THSD4: variants seen among roughly 807,000 people sequenced by gnomAD.
The protein encoded by THSD4 is thrombospondin type-1 domain-containing protein 4.
THSD4 carries 69 observed loss-of-function variants against 119.0 expected under a neutral mutation model. The observed-to-expected ratio is 0.58, with a 90% CI of 0.48 to 0.71. The LOEUF (loss-of-function observed/expected upper bound fraction) is 0.71, where lower values mean the gene tolerates loss of function less well. Among genes scored for constraint, THSD4 ranks in the 30% least tolerant of loss-of-function variants. The pLI is 0.00. For missense variants in THSD4, 1,393 were observed against 1,391.1 expected, an observed-to-expected ratio of 1.00 and a Z score of -0.02; for synonymous variants, 524 against 540.4, an observed-to-expected ratio of 0.97 and a Z score of 0.42.
chr15:71,599,792 C>G (rs533105288), intron 7 of THSD4, among the ~76,000 whole-genome samples: 1 of 152,360 alleles, frequency 6.6e-6, no homozygotes, highest in Non-Finnish European at 1.5e-5. Context: ...AATGTCATCT[C>G]TCTGCATTGT....
At chr15:71,295,876 C>G (rs1157508075) in intron 6 of THSD4, among the ~76,000 whole-genome samples, 1 of 152,290 alleles carries the variant, frequency 6.6e-6, no homozygotes, top group East Asian at 1.9e-4. Context: ...GTAGATTTAC[C>G]TTTTCTGGAT....
intron 7 of THSD4, among the ~76,000 whole-genome samples, chr15:71,440,104 C>T (rs2047069942): frequency 6.6e-6 from 1 of 152,102 alleles, no homozygotes; most frequent in Admixed American, 6.5e-5. Flanking sequence ...CATCCCACCT[C>T]CACATTCACC....
intron 4 of THSD4, among the ~76,000 whole-genome samples, chr15:71,227,026 T>G (rs183163036): frequency 6.6e-6 from 1 of 152,338 alleles, no homozygotes; most frequent in Admixed American, 6.5e-5. Context: ...TGTTCCAATA[T>G]GCTTTGATTT....
Position 71,326,495 on chromosome 15 carries a change from G to C in THSD4, c.1015+69780G>C, listed in dbSNP as rs1012499556. 2.7e-5 allele frequency among the ~76,000 whole-genome samples: 4 copies of C among 149,890 alleles called. No homozygotes were observed. The East Asian group carries it at 6.0e-4, about 22-fold the overall frequency. On this transcript the variant is annotated intron_variant, in intron 6 of 17. Transcript: ENST00000261862. The stretch of plus-strand genomic sequence containing the variant: ...AGTTTGAGAACAGCCTGGCCAACAC[G>C]GTGAAACCCCGTCTCTACTAAAAAT...
intron 6 of THSD4, among the ~76,000 whole-genome samples, chr15:71,329,725 G>A (rs1273497113): frequency 1.3e-5 from 2 of 152,156 alleles, no homozygotes; most frequent in Admixed American, 6.5e-5. Context: ...TCACAGACAG[G>A]GCTGTGGTAA....
chr15:71,152,771 C>T (rs777445050), intron 2 of THSD4, among the ~76,000 whole-genome samples: 6 of 152,162 alleles, frequency 3.9e-5, no homozygotes, highest in Admixed American at 6.5e-5. Flanking sequence ...TGGAGAATTT[C>T]CCCCTCACTG....
At chr15:71,211,982 C>G (rs1333810471) in intron 3 of THSD4, among the ~76,000 whole-genome samples, 1 of 152,172 alleles carries the variant, frequency 6.6e-6, no homozygotes, top group Non-Finnish European at 1.5e-5. Flanking sequence ...GTTGTCCCAT[C>G]TTGCATCTTG....
chr15:71,549,181 G>T (rs1325578278), intron 7 of THSD4, among the ~76,000 whole-genome samples: 2 of 152,240 alleles, frequency 1.3e-5, no homozygotes, highest in African/African-American at 4.8e-5. Context: ...CAGAGGTTTT[G>T]TCTTATGAGT....
intron 6 of THSD4, among the ~76,000 whole-genome samples, chr15:71,369,905 G>C (rs1029728004): frequency 6.6e-6 from 1 of 152,122 alleles, no homozygotes; most frequent in African/African-American, 2.4e-5. Context: ...GAATCCGTCT[G>C]GTCCTGGAGT....
intron 8 of THSD4, among the ~76,000 whole-genome samples, chr15:71,710,525 C>G (rs1474687444): frequency 6.6e-6 from 1 of 152,210 alleles, no homozygotes; most frequent in African/African-American, 2.4e-5. Context: ...TGACCCAGTG[C>G]CTCAGAAACT....
At chr15:71,776,259 TCAA>T (rs1360101898) in intron 17 of THSD4, among the ~76,000 whole-genome samples, 2 of 152,154 alleles carry the variant, frequency 1.3e-5, no homozygotes, top group East Asian at 3.9e-4. Flanking sequence ...TGTTTATCAA[TCAA>T]CACCAGAAGC....
intron 7 of THSD4, among the ~76,000 whole-genome samples, chr15:71,439,665 A>G (rs1252047402): frequency 6.6e-6 from 1 of 152,240 alleles, no homozygotes; most frequent in Non-Finnish European, 1.5e-5. Context: ...CGTATACACT[A>G]TGGAATACTA....
chr15:71,588,866 T>G (rs1212596412), intron 7 of THSD4, among the ~76,000 whole-genome samples: 2 of 152,140 alleles, frequency 1.3e-5, no homozygotes, highest in Non-Finnish European at 2.9e-5. Flanking sequence ...GGGCACAGTT[T>G]GAGCAAAGAC....
At chr15:71,362,970 TAAAAAAAAA>T (rs11287381) in intron 6 of THSD4, among the ~76,000 whole-genome samples, 5 of 135,024 alleles carry the variant, frequency 3.7e-5, no homozygotes, top group African/African-American at 8.6e-5. Flanking sequence ...GCTGATGAGC[TAAAAAAAAA>T]AAAAAAAAAA....
intron 8 of THSD4, among the ~76,000 whole-genome samples, chr15:71,667,918 C>G (rs1255489205): frequency 2.6e-5 from 4 of 152,128 alleles, no homozygotes; most frequent in Admixed American, 2.0e-4. Context: ...TCTGTAAGTA[C>G]CAATAAATAG....
intron 6 of THSD4, among the ~76,000 whole-genome samples, chr15:71,364,213 T>G (rs1357461718): frequency 3.3e-5 from 5 of 152,154 alleles, no homozygotes; most frequent in Admixed American, 6.5e-5. Context: ...TGGAATCACA[T>G]GGGATGGGAG....
At chr15:71,225,129 G>C (rs1423632062) in intron 4 of THSD4, among the ~76,000 whole-genome samples, 1 of 139,788 alleles carries the variant, frequency 7.2e-6, no homozygotes, top group Admixed American at 7.8e-5. Context: ...TAGTGATCCT[G>C]TTTCCCAGAA....
chr15:71,151,700 G>C (rs2040723901), intron 2 of THSD4, among the ~76,000 whole-genome samples: 1 of 152,178 alleles, frequency 6.6e-6, no homozygotes, highest in Non-Finnish European at 1.5e-5. Context: ...TGCCACCACT[G>C]TCTGGGAACC....
intron 6 of THSD4, among the ~76,000 whole-genome samples, chr15:71,284,542 AAGTGTTTCTGATTTC>A (rs1227632715): frequency 6.6e-6 from 1 of 152,194 alleles, no homozygotes; most frequent in African/African-American, 2.4e-5. Flanking sequence ...CATGGACCCA[AAGTGTTTCTGATTTC>A]AGTAACGACA....
Sources: gnomAD v4.1 joint callset for allele counts (sites outside exome capture counted in the v4.1 genomes callset) on GRCh38, gnomAD v4.1.1 for gene constraint, MANE v1.5 for transcripts, NCBI Gene and HGNC (gene_info 2026-07-23, HGNC 2026-07-21) for gene names.